Variants in INPP4B observed in about 807,000 individuals in gnomAD.
The protein encoded by INPP4B is inositol polyphosphate 4-phosphatase type II.
In INPP4B, 55 loss-of-function variants were observed where a neutral mutation model predicts 122.5. The ratio of observed to expected loss-of-function variants is 0.45; its 90% CI spans 0.36 to 0.56. The LOEUF is 0.56. Among genes scored for constraint, INPP4B ranks in the 20% least tolerant of loss-of-function variants. The probability of loss-of-function intolerance (pLI) is 0.00; values close to 1 mark genes in which losing one functional copy is unlikely to be tolerated. For missense variants in INPP4B, 1,000 were observed against 1,097.7 expected (o/e 0.91, Z 1.26); for synonymous variants, 403 against 388.7 (o/e 1.04, Z -0.43).
chr4:142,237,854 T>G lies in INPP4B; in HGVS notation c.836+10A>C, dbSNP rs748748919. ...AATTAATATGAGAGAAAATAGTTATTTTCTCTTACCTGCACAAATCTTCTT... is the reference window on the plus strand; with the variant it reads ...AATTAATATGAGAGAAAATAGTTATGTTCTCTTACCTGCACAAATCTTCTT... On this transcript the variant is annotated intron_variant, in intron 12 of 25. Transcript: ENST00000262992. 2 of 1,485,824 alleles carry G rather than the reference T, an allele frequency of 1.3e-6. No individual in the cohort carries two copies. Among genetic ancestry groups the G allele is most frequent in the Non-Finnish European group, 1.8e-6 (2 of 1,090,684 alleles). 92.0% of individuals were successfully genotyped at this position (1,485,824 alleles called of 1,614,324 possible).
chr4:142,601,599 AC>A lies in INPP4B; in HGVS notation c.-191+124239del, dbSNP rs986118924. The stretch of plus-strand genomic sequence containing the variant: ...CCTATGTCAAAAAAAAAAAAAAAAG[AC>A]CAGAAAGATTTCAAATATACAACCT... On this transcript the variant is annotated intron_variant, in intron 2 of 25. Coordinates refer to ENST00000262992, the MANE Select transcript of INPP4B (RefSeq NM_001101669.3). 5.2e-4 allele frequency among the ~76,000 whole-genome samples: 78 copies of A among 150,384 alleles called. 1 individual carries two copies. The highest frequency in any genetic ancestry group is 1.8e-3 in the African/African-American group (76 of 41,180).
chr4:142,357,605 C>T (rs931217604), intron 7 of INPP4B, among the ~76,000 whole-genome samples: 8 of 152,058 alleles, frequency 5.3e-5, no homozygotes, highest in African/African-American at 1.7e-4. Flanking sequence ...GGGGAGAGGC[C>T]TCATCTTTAT....
intron 1 of INPP4B, among the ~76,000 whole-genome samples, chr4:142,831,424 C>T (rs1782126088): frequency 6.6e-6 from 1 of 152,092 alleles, no homozygotes; most frequent in African/African-American, 2.4e-5. Context: ...GCTCAGAGTG[C>T]CATTGAGCAA....
intron 3 of INPP4B, among the ~76,000 whole-genome samples, chr4:142,441,831 T>TA (rs1357536675): frequency 2.2e-5 from 3 of 134,016 alleles, no homozygotes; most frequent in African/African-American, 8.1e-5. Flanking sequence ...TTTTTTTTTT[T>TA]AATAATTGGG....
At chr4:142,491,334 T>G (rs1821843396) in intron 2 of INPP4B, among the ~76,000 whole-genome samples, 1 of 152,172 alleles carries the variant, frequency 6.6e-6, no homozygotes, top group African/African-American at 2.4e-5. Context: ...TTGACATTAA[T>G]CTGAACAAAC....
chr4:142,625,394 T>A (rs912314328), intron 2 of INPP4B, among the ~76,000 whole-genome samples: 64 of 151,990 alleles, frequency 4.2e-4, no homozygotes, highest in African/African-American at 1.3e-3. Context: ...TGCTTCAAAG[T>A]GAATAAAATA....
chr4:142,311,729 G>T (rs1872292), intron 8 of INPP4B, among the ~76,000 whole-genome samples: 46,440 of 151,940 alleles, frequency 0.31, 8,356 homozygotes, highest in African/African-American at 0.51. Context: ...GGACTTAGGC[G>T]CTCCCCAATA....
chr4:142,545,821 G>GTATATATA (rs70949172), intron 2 of INPP4B, among the ~76,000 whole-genome samples: 4 of 111,920 alleles, frequency 3.6e-5, no homozygotes, highest in African/African-American at 1.1e-4. Flanking sequence ...ATACATGTGT[G>GTATATATA]TATATATATA....
At chr4:142,803,913 G>T (rs1457477340) in intron 1 of INPP4B, among the ~76,000 whole-genome samples, 1 of 151,914 alleles carries the variant, frequency 6.6e-6, no homozygotes, top group Non-Finnish European at 1.5e-5. Flanking sequence ...AAAAAAATTA[G>T]CTGGGCATGG....
intron 3 of INPP4B, among the ~76,000 whole-genome samples, chr4:142,433,717 C>G (rs534392941): frequency 8.9e-4 from 136 of 152,140 alleles, no homozygotes; most frequent in Non-Finnish European, 1.5e-3. Flanking sequence ...GCACTGTTCA[C>G]TCACCAGTGA....
At chr4:142,697,928 C>T (rs1560972706) in intron 2 of INPP4B, among the ~76,000 whole-genome samples, 1 of 152,008 alleles carries the variant, frequency 6.6e-6, no homozygotes, top group African/African-American at 2.4e-5. Flanking sequence ...GTTTTAAAGA[C>T]TACATTTGAG....
At chr4:142,617,453 T>C (rs1173674361) in intron 2 of INPP4B, among the ~76,000 whole-genome samples, 2 of 152,030 alleles carry the variant, frequency 1.3e-5, no homozygotes, top group Non-Finnish European at 2.9e-5. Flanking sequence ...CTGCTCAGAA[T>C]ATAATCTCCC....
At chr4:142,515,860 T>C (rs1434099821) in intron 2 of INPP4B, among the ~76,000 whole-genome samples, 2 of 152,198 alleles carry the variant, frequency 1.3e-5, no homozygotes, top group African/African-American at 4.8e-5. Context: ...TGAAAAAATT[T>C]AAATGCTTGT....
intron 2 of INPP4B, among the ~76,000 whole-genome samples, chr4:142,554,231 C>T (rs954865671): frequency 7.3e-5 from 11 of 150,344 alleles, no homozygotes; most frequent in Admixed American, 6.0e-4. Flanking sequence ...CAGAGTCATC[C>T]ACTTCCTTCC....
At chr4:142,749,134 G>C (rs1354471147) in intron 1 of INPP4B, among the ~76,000 whole-genome samples, 2 of 147,666 alleles carry the variant, frequency 1.4e-5, no homozygotes, top group Non-Finnish European at 3.0e-5. Context: ...ACAAGACTCT[G>C]TCTCAAATAT....
In INPP4B at chr4:142,756,555, T is replaced by C. The variant is rs532052044; in HGVS notation, c.-253-30654A>G. Among the ~76,000 whole-genome samples, 35 of 152,152 alleles carry C rather than the reference T, an allele frequency of 2.3e-4. No individual in the cohort carries two copies. In the South Asian group the frequency reaches 6.8e-3, roughly 30 times the overall value. On this transcript the variant is annotated intron_variant, in intron 1 of 25. Coordinates refer to ENST00000262992, the MANE Select transcript of INPP4B (RefSeq NM_001101669.3). ...TTACTCTACGGCATTCCAAGCTCAT[T>C]CTCTATCAGCTCCAAACTCTGTGGG... is the stretch of plus-strand genomic sequence containing the variant.
At position 142,632,971 on chromosome 4, in the gene INPP4B, AAAG is replaced by A. The variant is rs1000985908; in HGVS notation, c.-191+92865_-191+92867del. Among the ~76,000 whole-genome samples the A allele has an allele frequency of 4.9e-4, 74 of 151,996 alleles. No individual in the cohort carries two copies. The Middle Eastern group carries it at 0.015, about 31-fold the overall frequency. ...TAAACAGGTTGGATCTTAAAACATAAAAGAAGATCAAATAAAAACATCTCAATT... is the reference window on the plus strand; with the variant it reads ...TAAACAGGTTGGATCTTAAAACATAAAAGATCAAATAAAAACATCTCAATT... On this transcript the variant is annotated intron_variant, in intron 2 of 25. Transcript: ENST00000262992.
At chr4:142,318,261 AAAG>A (rs1330787824) in intron 7 of INPP4B, among the ~76,000 whole-genome samples, 14 of 152,096 alleles carry the variant, frequency 9.2e-5, no homozygotes, top group African/African-American at 3.1e-4. Flanking sequence ...GGGAGGAAAG[AAAG>A]AAGGAGTGGA....
chr4:142,091,964 C>A (rs1268911948), intron 23 of INPP4B, among the ~76,000 whole-genome samples: 2 of 152,194 alleles, frequency 1.3e-5, no homozygotes, highest in Non-Finnish European at 2.9e-5. Flanking sequence ...TACAAAATTG[C>A]CATGGGATGC....
Sources: gnomAD v4.1 joint callset for allele counts (sites outside exome capture counted in the v4.1 genomes callset) on GRCh38, gnomAD v4.1.1 for gene constraint, MANE v1.5 for transcripts, NCBI Gene and HGNC (gene_info 2026-07-23, HGNC 2026-07-21) for gene names.